THEMIS: variants seen among roughly 807,000 people sequenced by gnomAD.
THEMIS encodes the protein thymocyte selection associated.
A neutral mutation model predicts 52.6 loss-of-function variants in THEMIS; 37 were observed. The ratio of observed to expected loss-of-function variants is 0.70; its 90% CI spans 0.54 to 0.93. The LOEUF (loss-of-function observed/expected upper bound fraction) is 0.93, where lower values mean the gene tolerates loss of function less well. THEMIS is among the 40% of genes least tolerant of loss of function. The pLI, the probability that THEMIS is intolerant of heterozygous loss-of-function variation, is 0.00. For synonymous variants in THEMIS, 292 were observed against 272.7 expected (o/e 1.07, Z -0.70); for missense variants, 808 against 763.1 (o/e 1.06, Z -0.69).
At chr6:127,818,174 AC>A (rs1477400774) in intron 3 of THEMIS, among the ~76,000 whole-genome samples, 8 of 152,124 alleles carry the variant, frequency 5.3e-5, no homozygotes, top group Non-Finnish European at 1.2e-4. Context: ...GGAACACCCA[AC>A]TCAAGCCTCC....
At chr6:127,915,965 T>TGA (rs1322955834) in intron 1 of THEMIS, among the ~76,000 whole-genome samples, 1 of 152,102 alleles carries the variant, frequency 6.6e-6, no homozygotes, top group Admixed American at 6.5e-5. Context: ...CCAGCCTTGG[T>TGA]GACAGAGCAC....
chr6:127,858,860 G>A (rs988777026), intron 1 of THEMIS, among the ~76,000 whole-genome samples: 4 of 152,052 alleles, frequency 2.6e-5, no homozygotes, highest in African/African-American at 9.7e-5. Context: ...AAAGCAGCCT[G>A]TTTTCAGTGA....
intron 2 of THEMIS, among the ~76,000 whole-genome samples, chr6:127,850,249 T>C (rs1779374870): frequency 6.6e-6 from 1 of 151,334 alleles, no homozygotes; most frequent in Admixed American, 6.6e-5. Flanking sequence ...AGATGATAGA[T>C]GTTGGCATAA....
At chr6:127,799,378 A>G (rs1178444741) in intron 4 of THEMIS, among the ~76,000 whole-genome samples, 1 of 152,218 alleles carries the variant, frequency 6.6e-6, no homozygotes, top group African/African-American at 2.4e-5. Flanking sequence ...AAGAAATAGA[A>G]TCTACAGGAT....
intron 2 of THEMIS, among the ~76,000 whole-genome samples, chr6:127,832,124 G>A (rs1470200741): frequency 8.5e-5 from 13 of 152,164 alleles, no homozygotes; most frequent in Admixed American, 7.9e-4. Context: ...ATAAGTCACA[G>A]AAGAATTAAT....
At chr6:127,915,398 A>G (rs924291941) in intron 1 of THEMIS, among the ~76,000 whole-genome samples, 5 of 152,174 alleles carry the variant, frequency 3.3e-5, no homozygotes, top group African/African-American at 1.2e-4. Flanking sequence ...CAGCTGAAAG[A>G]GTTGAATTTC....
At chr6:127,743,783 G>C (rs1011407353) in intron 4 of THEMIS, among the ~76,000 whole-genome samples, 1 of 151,952 alleles carries the variant, frequency 6.6e-6, no homozygotes, top group African/African-American at 2.4e-5. Context: ...TCATTTATTA[G>C]GAATTATTTC....
chr6:127,812,765 T>C (rs1777953874), intron 4 of THEMIS, 118 bp downstream of exon 4: 3 of 1,016,316 alleles, frequency 3.0e-6, no homozygotes, highest in African/African-American at 3.2e-5. Context: ...TCAGAAAAGC[T>C]CATTGCAAAT....
chr6:127,909,739 T>C (rs1022371370), intron 1 of THEMIS: 1 of 152,028 alleles, frequency 6.6e-6, no homozygotes, highest in Non-Finnish European at 1.5e-5. Flanking sequence ...CACATAAACA[T>C]AAAACAACAA....
intron 4 of THEMIS, among the ~76,000 whole-genome samples, chr6:127,744,343 A>G (rs1775310978): frequency 6.6e-6 from 1 of 152,086 alleles, no homozygotes; most frequent in Non-Finnish European, 1.5e-5. Flanking sequence ...ACAATTGAAA[A>G]TAATGAGTGA....
chr6:127,721,820 AC>A (rs1381829170), intron 4 of THEMIS, among the ~76,000 whole-genome samples: 4 of 152,036 alleles, frequency 2.6e-5, no homozygotes, highest in Non-Finnish European at 5.9e-5. Flanking sequence ...GTATTAAATC[AC>A]AGTTTCTCAG....
At chr6:127,790,731 C>T (rs1777127900) in intron 4 of THEMIS, among the ~76,000 whole-genome samples, 1 of 152,218 alleles carries the variant, frequency 6.6e-6, no homozygotes, top group Non-Finnish European at 1.5e-5. Context: ...GATCCCATGC[C>T]TGCCAAGGGT....
At chr6:127,858,749 A>T (rs1161848854) in intron 1 of THEMIS, among the ~76,000 whole-genome samples, 2 of 152,114 alleles carry the variant, frequency 1.3e-5, no homozygotes, top group Non-Finnish European at 2.9e-5. Context: ...ATGTATTTTG[A>T]ATAAGCAAAT....
chr6:127,753,300 A>C (rs1775710588), intron 4 of THEMIS, among the ~76,000 whole-genome samples: 8 of 152,048 alleles, frequency 5.3e-5, no homozygotes, highest in Admixed American at 5.2e-4. Flanking sequence ...CTAGTAAATA[A>C]ATTCAGTAAA....
intron 3 of THEMIS, among the ~76,000 whole-genome samples, chr6:127,817,891 C>T (rs1232383833): frequency 6.6e-6 from 1 of 152,156 alleles, no homozygotes; most frequent in African/African-American, 2.4e-5. Context: ...CATCCAGGTT[C>T]TCAGGGTGAA....
intron 4 of THEMIS, among the ~76,000 whole-genome samples, chr6:127,785,220 T>TTATCTATCTATCTATCTATCTATC (rs71028106): frequency 2.1e-5 from 2 of 93,758 alleles, no homozygotes; most frequent in South Asian, 3.0e-4. Flanking sequence ...ATTATCTATC[T>TTATCTATCTATCTATCTATCTATC]TATCTATCTA....
chr6:127,737,955 G>A lies in THEMIS; in HGVS notation c.1759-18132C>T, dbSNP rs949389725. ...GCAGGGAAAAGGGCGGGGCTTTAGGGAAAGAGACTTCAAGGAAGGGCATGA... is the reference window on the plus strand; with the variant it reads ...GCAGGGAAAAGGGCGGGGCTTTAGGAAAAGAGACTTCAAGGAAGGGCATGA... On this transcript the variant is annotated intron_variant, in intron 4 of 5. Coordinates refer to ENST00000368248, the MANE Select transcript of THEMIS (RefSeq NM_001010923.3). Among the ~76,000 whole-genome samples, 11 of 152,284 alleles carry A rather than the reference G, an allele frequency of 7.2e-5. No homozygotes were observed. The South Asian group carries it at 2.1e-3, about 29-fold the overall frequency.
At chr6:127,866,130 T>C (rs925454626) in intron 1 of THEMIS, among the ~76,000 whole-genome samples, 2 of 152,132 alleles carry the variant, frequency 1.3e-5, no homozygotes, top group Non-Finnish European at 2.9e-5. Context: ...ATTTATACTT[T>C]AGATTTTCTT....
the THEMIS span, among the ~76,000 whole-genome samples, chr6:127,702,986 C>A: frequency 6.9e-6 from 1 of 144,062 alleles, no homozygotes; most frequent in Non-Finnish European, 1.5e-5. Context: ...TCATTTCTAG[C>A]ACTTTATGTT....
Sources: allele counts gnomAD v4.1 joint callset (sites outside exome capture counted in the v4.1 genomes callset), GRCh38; gene constraint gnomAD v4.1.1; transcripts MANE v1.5; gene names NCBI Gene and HGNC (gene_info 2026-07-23, HGNC 2026-07-21).